CELSR1: variants seen among roughly 807,000 people sequenced by gnomAD.
CELSR1 encodes the protein adhesion G protein-coupled receptor C1.
A neutral mutation model predicts 249.1 loss-of-function variants in CELSR1; 110 were observed. The observed-to-expected ratio is 0.44, with a 90% CI of 0.38 to 0.52. The LOEUF is 0.52. Ranked by LOEUF, CELSR1 falls within the 20% of genes least tolerant of loss-of-function variation. CELSR1 has a pLI of 0.00. For missense variants in CELSR1, 4,109 were observed against 4,296.4 expected, an observed-to-expected ratio of 0.96 and a Z score of 1.22; for synonymous variants, 2,113 against 1,900.0, an observed-to-expected ratio of 1.11 and a Z score of -2.92.
intron 2 of CELSR1, among the ~76,000 whole-genome samples, chr22:46,452,283 C>T (rs986763354): frequency 1.3e-4 from 20 of 152,202 alleles, no homozygotes; most frequent in African/African-American, 4.8e-4. Flanking sequence ...CTACACAGAC[C>T]TGGAGCCACG....
At chr22:46,403,971 C>CAAAAAAAAAAAAAAA (rs756055741) in intron 9 of CELSR1, among the ~76,000 whole-genome samples, 1 of 48,424 alleles carries the variant, frequency 2.1e-5, no homozygotes, top group Non-Finnish European at 4.7e-5. Flanking sequence ...AACTCCGTCT[C>CAAAAAAAAAAAAAAA]AAAAAAAAAA....
intron 1 of CELSR1, among the ~76,000 whole-genome samples, chr22:46,515,653 G>A (rs2080619386): frequency 6.6e-6 from 1 of 152,166 alleles, no homozygotes; most frequent in Non-Finnish European, 1.5e-5. Flanking sequence ...AGGCACAGAG[G>A]CTGAGGCTTT....
At chr22:46,502,967 G>A (rs1047796189) in intron 1 of CELSR1, among the ~76,000 whole-genome samples, 4 of 152,268 alleles carry the variant, frequency 2.6e-5, no homozygotes, top group African/African-American at 7.2e-5. Context: ...CGCAGGCCAC[G>A]GCACTCGGAG....
intron 5 of CELSR1, among the ~76,000 whole-genome samples, chr22:46,416,029 T>C (rs77548383): frequency 0.031 from 4,672 of 150,422 alleles, 79 homozygotes; most frequent in Non-Finnish European, 0.046. Context: ...CGTGTCCGCC[T>C]CTGAGTTTTC....
chr22:46,393,091 G>T lies in CELSR1; in HGVS notation c.5964+1051C>A, dbSNP rs1268320332. ...CTGACATCACGAGATGGCATCCAAG[G>T]GTGCCCTGGTACCAGCTTCCCTCCT... On this transcript the variant is annotated intron_variant, in intron 14 of 34. Coordinates refer to ENST00000674500, the MANE Select transcript of CELSR1 (RefSeq NM_001378328.1). The surrounding 1 kb of genome is among the most constrained non-coding windows in gnomAD (Gnocchi z 4.1). 6.6e-6 allele frequency among the ~76,000 whole-genome samples: 1 copy of T among 152,098 alleles called. No homozygotes were observed. The highest frequency in any genetic ancestry group is 1.5e-5 in the Non-Finnish European group (1 of 67,990).
chr22:46,370,516 C>T (rs952136195), intron 25 of CELSR1, among the ~76,000 whole-genome samples: 1 of 152,182 alleles, frequency 6.6e-6, no homozygotes, highest in Admixed American at 6.5e-5. Context: ...ACAGTTGTCA[C>T]TCCCAGCCAC....
At chr22:46,469,232 C>T (rs1312501643) in intron 1 of CELSR1, among the ~76,000 whole-genome samples, 3 of 152,174 alleles carry the variant, frequency 2.0e-5, no homozygotes, top group African/African-American at 7.2e-5. Context: ...ACCTCATCAC[C>T]TTGCTCCCCT....
At chr22:46,508,393 C>A (rs548696837) in intron 1 of CELSR1, among the ~76,000 whole-genome samples, 1 of 151,922 alleles carries the variant, frequency 6.6e-6, no homozygotes, top group African/African-American at 2.4e-5. Context: ...CTGCTTCCCC[C>A]TGACCGTCCC....
Position 46,398,380 on chromosome 22 carries a change from T to C in CELSR1, c.5526+144A>G. The C allele has an allele frequency of 3.3e-6, 2 of 608,082 alleles. No homozygotes were observed. Among genetic ancestry groups the C allele is most frequent in the Non-Finnish European group, 5.8e-6 (2 of 346,746 alleles). The allele number at this position is 608,082 out of a possible 1,614,324, so 37.7% of individuals were successfully genotyped here. ...ATGGGTCTGAAGAGGAAACAGGAGC[T>C]GTTAAAGTGGGGATGCCTGTCAGAC... On this transcript the variant is annotated intron_variant, in intron 11 of 34. Coordinates refer to ENST00000674500, the MANE Select transcript of CELSR1 (RefSeq NM_001378328.1). This position sits in a 1 kb window ranked among gnomAD's most constrained non-coding sequence, Gnocchi z 7.2.
rs1043083639 is a variant in CELSR1, at chr22:46,527,609, G to A, written c.3544+6018C>T. ...GACCACACTGGCTCTCCCGGCTTTC[G>A]CACACAGCAGGTGCTCAATAAACAA... is the stretch of plus-strand genomic sequence containing the variant. On this transcript the variant is annotated intron_variant, in intron 1 of 34. Transcript: ENST00000674500. The surrounding 1 kb of genome is among the most constrained non-coding windows in gnomAD (Gnocchi z 5.5). Among the ~76,000 whole-genome samples, 4 of 152,310 alleles carry A rather than the reference G, an allele frequency of 2.6e-5. No homozygotes were observed. The highest frequency in any genetic ancestry group is 3.4e-3 in the Middle Eastern group (1 of 294).
At chr22:46,422,766 CAA>C (rs372904848) in intron 5 of CELSR1, among the ~76,000 whole-genome samples, 4 of 99,314 alleles carry the variant, frequency 4.0e-5, no homozygotes, top group Non-Finnish European at 2.0e-5. Context: ...GACTCCATCT[CAA>C]AAAAAAAAAA....
In CELSR1 at chr22:46,363,265, C is replaced by G; in HGVS notation, c.9036-18G>C. The G allele has an allele frequency of 3.7e-6, 6 of 1,607,932 alleles. No homozygotes were observed. Among genetic ancestry groups the G allele is most frequent in the Non-Finnish European group, 5.1e-6 (6 of 1,175,490 alleles). On this transcript the variant is annotated intron_variant, in intron 34 of 34. Coordinates refer to ENST00000674500, the MANE Select transcript of CELSR1 (RefSeq NM_001378328.1). The surrounding 1 kb of genome is among the most constrained non-coding windows in gnomAD (Gnocchi z 4.3). ...TACTGCCTCTGCGCGTGGGAAGAAG[C>G]CAGCAAGCAGGTGAAGGGTCAGTGA...
chr22:46,457,981 G>A (rs914820117), intron 2 of CELSR1, among the ~76,000 whole-genome samples: 5 of 152,238 alleles, frequency 3.3e-5, no homozygotes, highest in African/African-American at 1.2e-4. Flanking sequence ...ATTTGCACAC[G>A]GTGCCTGCTG....
In CELSR1 at chr22:46,430,692, G is replaced by A. The variant is rs1299679742; in HGVS notation, c.4611+2701C>T. Among the ~76,000 whole-genome samples the A allele has an allele frequency of 2.6e-5, 4 of 152,178 alleles. No individual in the cohort carries two copies. ...ATTGGAGACAAAGTGGAGGCCCAGAGAGCAGAGGAACCAGCCCCCAGAAGA... is the reference window on the plus strand; with the variant it reads ...ATTGGAGACAAAGTGGAGGCCCAGAAAGCAGAGGAACCAGCCCCCAGAAGA... On this transcript the variant is annotated intron_variant, in intron 5 of 34. Transcript: ENST00000674500. This position sits in a 1 kb window ranked among gnomAD's most constrained non-coding sequence, Gnocchi z 4.6.
rs1226951198 is a variant in CELSR1, at chr22:46,413,760, C to T, written c.4612-2001G>A. Among the ~76,000 whole-genome samples the T allele has an allele frequency of 2.6e-5, 4 of 152,196 alleles. No individual in the cohort carries two copies. Among genetic ancestry groups the T allele is most frequent in the African/African-American group, 7.2e-5 (3 of 41,444 alleles). On this transcript the variant is annotated intron_variant, in intron 5 of 34. Coordinates refer to ENST00000674500, the MANE Select transcript of CELSR1 (RefSeq NM_001378328.1). This position sits in a 1 kb window ranked among gnomAD's most constrained non-coding sequence, Gnocchi z 4.7. ...GTGCATTAAAAATCATCTGTTTTCT[C>T]GCTGTGTAACGCGGCCCACTTTGGA...
Position 46,367,232 on chromosome 22 carries a change from C to T in CELSR1, c.8080-114G>A, listed in dbSNP as rs527968042. The T allele has an allele frequency of 1.5e-4, 215 of 1,395,286 alleles. No individual in the cohort carries two copies. In the African/African-American group the frequency reaches 2.8e-3, roughly 18 times the overall value. 86.4% of individuals were successfully genotyped at this position (1,395,286 alleles called of 1,614,324 possible). A position where few individuals can be genotyped will look rare whatever the true frequency, so the allele number is the denominator to read the frequency against. On this transcript the variant is annotated intron_variant, in intron 28 of 34. Coordinates refer to ENST00000674500, the MANE Select transcript of CELSR1 (RefSeq NM_001378328.1). Reference sequence around the variant, plus strand: ...TGAGTGCACACAACATGTCCGGCCACACGGCCCAGGACACGGCCAGGCCTC... The same window carrying T: ...TGAGTGCACACAACATGTCCGGCCATACGGCCCAGGACACGGCCAGGCCTC...
chr22:46,403,968 T>C (rs2079235949), intron 9 of CELSR1, among the ~76,000 whole-genome samples: 1 of 96,748 alleles, frequency 1.0e-5, no homozygotes, highest in East Asian at 2.8e-4. Context: ...TGAAACTCCG[T>C]CTCAAAAAAA....
Position 46,517,703 on chromosome 22 carries a change from A to G in CELSR1, c.3544+15924T>C, listed in dbSNP as rs775130661. Among the ~76,000 whole-genome samples the G allele has an allele frequency of 6.6e-6, 1 of 152,128 alleles. No individual in the cohort carries two copies. Among genetic ancestry groups the G allele is most frequent in the Non-Finnish European group, 1.5e-5 (1 of 68,016 alleles). On this transcript the variant is annotated intron_variant, in intron 1 of 34. Coordinates refer to ENST00000674500, the MANE Select transcript of CELSR1 (RefSeq NM_001378328.1). This position sits in a 1 kb window ranked among gnomAD's most constrained non-coding sequence, Gnocchi z 5.4. ...CATATTTTCCATTCTCTCCTCTTTGAAGAATTGGGAGAACTTGCGATTATG... is the reference window on the plus strand; with the variant it reads ...CATATTTTCCATTCTCTCCTCTTTGGAGAATTGGGAGAACTTGCGATTATG...
rs970016358 is a variant in CELSR1, at chr22:46,448,863, G to A, written c.4184-9452C>T. 3.9e-5 allele frequency among the ~76,000 whole-genome samples: 6 copies of A among 152,126 alleles called. No individual in the cohort carries two copies. The highest frequency in any genetic ancestry group is 5.9e-5 in the Non-Finnish European group (4 of 68,034). On this transcript the variant is annotated intron_variant, in intron 2 of 34. Transcript: ENST00000674500. This position sits in a 1 kb window ranked among gnomAD's most constrained non-coding sequence, Gnocchi z 5.7. ...AGTCTTGAAGACACAACCCAACAGC[G>A]TGGCTCATGTGTCAGAAACTTCACT...
Sources: gnomAD v4.1 joint callset for allele counts (sites outside exome capture counted in the v4.1 genomes callset) on GRCh38, gnomAD v4.1.1 for gene constraint, Gnocchi (gnomAD v3.1) non-coding constraint, MANE v1.5 for transcripts, NCBI Gene and HGNC (gene_info 2026-07-23, HGNC 2026-07-21) for gene names.